RAF1: variants seen among roughly 807,000 people sequenced by gnomAD.
RAF1 encodes the protein RAF proto-oncogene serine/threonine-protein kinase.
RAF1 carries 27 observed loss-of-function variants against 81.1 expected under a neutral mutation model. The observed-to-expected ratio is 0.33, with a 90% CI of 0.25 to 0.46. The LOEUF (loss-of-function observed/expected upper bound fraction) is 0.46, where lower values mean the gene tolerates loss of function less well. Among genes scored for constraint, RAF1 ranks in the 20% least tolerant of loss-of-function variants. The probability of loss-of-function intolerance (pLI) is 1.00; values close to 1 mark genes in which losing one functional copy is unlikely to be tolerated. For missense variants in RAF1, 598 were observed against 826.0 expected (o/e 0.72, Z 3.38); for synonymous variants, 298 against 294.0 (o/e 1.01, Z -0.14).
intron 13 of RAF1, chr3:12,589,885 G>C (rs1016567644): frequency 6.6e-6 from 1 of 151,426 alleles, no homozygotes; most frequent in East Asian, 2.0e-4. Context: ...CCGCCTCCCG[G>C]GTTGAAGTGA....
At chr3:12,648,108 T>C (rs1303588623) in intron 1 of RAF1, among the ~76,000 whole-genome samples, 2 of 152,014 alleles carry the variant, frequency 1.3e-5, no homozygotes, top group Non-Finnish European at 2.9e-5. Flanking sequence ...TTAACCCGAG[T>C]TTTTCTTTTC....
intron 11 of RAF1, among the ~76,000 whole-genome samples, chr3:12,597,877 C>A (rs527344052): frequency 1.3e-5 from 2 of 151,556 alleles, no homozygotes; most frequent in African/African-American, 2.4e-5. Context: ...CAAGATTGTG[C>A]CACTACTCCA....
chr3:12,610,530 A>C (rs539832235), intron 3 of RAF1, among the ~76,000 whole-genome samples: 1 of 152,264 alleles, frequency 6.6e-6, no homozygotes, highest in South Asian at 2.1e-4. Context: ...GAATCTCTCT[A>C]GTCCTTAAGG....
At chr3:12,649,573 T>G (rs2060457089) in intron 1 of RAF1, among the ~76,000 whole-genome samples, 1 of 136,494 alleles carries the variant, frequency 7.3e-6, no homozygotes, top group Non-Finnish European at 1.5e-5. Flanking sequence ...CACTCCAGCA[T>G]GGGGGCCAGA....
chr3:12,650,435 A>G (rs2060486939), intron 1 of RAF1, among the ~76,000 whole-genome samples: 1 of 152,210 alleles, frequency 6.6e-6, no homozygotes, highest in Non-Finnish European at 1.5e-5. Flanking sequence ...GCACAAAATT[A>G]GGTACTCAAA....
intron 13 of RAF1, 172 bp downstream of exon 12, chr3:12,590,626 G>A (rs899506119): frequency 1.3e-6 from 1 of 758,772 alleles, no homozygotes; most frequent in Admixed American, 2.2e-5. Context: ...CCACCCAGCT[G>A]GAACCTGAAC....
chr3:12,659,025 GAAGT>G (rs1325494626), intron 1 of RAF1, among the ~76,000 whole-genome samples: 2 of 151,868 alleles, frequency 1.3e-5, no homozygotes, highest in Non-Finnish European at 2.9e-5. Context: ...TGGGAGAAAA[GAAGT>G]AACAAAATGA....
At chr3:12,660,591 G>A (rs1272634666) in intron 1 of RAF1, among the ~76,000 whole-genome samples, 1 of 152,076 alleles carries the variant, frequency 6.6e-6, no homozygotes, top group Admixed American at 6.6e-5. Flanking sequence ...TGGGCTTACA[G>A]GCCTGAGCCA....
intron 8 of RAF1, among the ~76,000 whole-genome samples, chr3:12,601,376 A>G (rs1248737759): frequency 6.6e-6 from 1 of 152,184 alleles, no homozygotes; most frequent in Non-Finnish European, 1.5e-5. Context: ...CATTCTCCTC[A>G]TGGGAGAAAG....
chr3:12,642,721 A>ACACACAC (rs1559478289), intron 1 of RAF1, among the ~76,000 whole-genome samples: 1 of 84,122 alleles, frequency 1.2e-5, no homozygotes, highest in South Asian at 4.3e-4. Context: ...CACACACACA[A>ACACACAC]AATAGCTGCG....
chr3:12,637,170 G>A (rs1240529252), intron 1 of RAF1, among the ~76,000 whole-genome samples: 1 of 152,122 alleles, frequency 6.6e-6, no homozygotes, highest in Non-Finnish European at 1.5e-5. Context: ...ATTTTTAAGT[G>A]TATTATACTC....
intron 1 of RAF1, among the ~76,000 whole-genome samples, chr3:12,660,589 C>T (rs1211792837): frequency 6.6e-6 from 1 of 151,960 alleles, no homozygotes; most frequent in Non-Finnish European, 1.5e-5. Context: ...GCTGGGCTTA[C>T]AGGCCTGAGC....
intron 12 of RAF1, 53 bp downstream of exon 11, chr3:12,591,655 G>GTAC: frequency 6.7e-7 from 1 of 1,488,248 alleles, no homozygotes; most frequent in Non-Finnish European, 9.4e-7. Context: ...TACAGTCCTT[G>GTAC]TACTCCCCAC....
At chr3:12,594,297 C>T (rs1312167121) in intron 11 of RAF1, among the ~76,000 whole-genome samples, 1 of 152,148 alleles carries the variant, frequency 6.6e-6, no homozygotes, top group East Asian at 1.9e-4. Flanking sequence ...ACCCAGGCTC[C>T]AGGACCCAGA....
At chr3:12,657,146 G>T (rs1299562676) in intron 1 of RAF1, among the ~76,000 whole-genome samples, 2 of 152,126 alleles carry the variant, frequency 1.3e-5, no homozygotes, top group Non-Finnish European at 2.9e-5. Flanking sequence ...ACTGGCTTTT[G>T]ATTTCCACTA....
At chr3:12,643,736 CAA>C (rs11328513) in intron 1 of RAF1, among the ~76,000 whole-genome samples, 2 of 142,128 alleles carry the variant, frequency 1.4e-5, no homozygotes, top group Non-Finnish European at 1.6e-5. Context: ...AACTCTGTCT[CAA>C]AAAAAAAAAA....
intron 11 of RAF1, 112 bp from the exon 11 acceptor site, chr3:12,591,904 C>A: frequency 1.2e-6 from 1 of 861,838 alleles, no homozygotes. Flanking sequence ...CACATACCTA[C>A]ACAGATACGG....
In RAF1 at chr3:12,608,997, T is replaced by G. The variant is rs961191946; in HGVS notation, c.424-74A>C. On this transcript the variant is annotated intron_variant, in intron 4 of 17. Coordinates refer to ENST00000442415, the MANE Select transcript of RAF1 (RefSeq NM_001354689.3). ...CAAAAGACAACTTCATTTCTTGGCC[T>G]CCAAAAAAGTTTTTACAAAATGAAT... is the stretch of plus-strand genomic sequence containing the variant. The G allele has an allele frequency of 2.0e-5, 31 of 1,554,696 alleles. No individual in the cohort carries two copies. The East Asian group carries it at 3.7e-4, about 19-fold the overall frequency.
At chr3:12,642,719 C>CACAAAA (rs1491570753) in intron 1 of RAF1, among the ~76,000 whole-genome samples, 2 of 141,480 alleles carry the variant, frequency 1.4e-5, no homozygotes, top group East Asian at 2.0e-4. Flanking sequence ...CACACACACA[C>CACAAAA]AAAATAGCTG....
Sources: gnomAD v4.1 joint callset for allele counts (sites outside exome capture counted in the v4.1 genomes callset) on GRCh38, gnomAD v4.1.1 for gene constraint, MANE v1.5 for transcripts, NCBI Gene and HGNC (gene_info 2026-07-23, HGNC 2026-07-21) for gene names.